Variants in KIF16B observed in about 807,000 individuals in gnomAD.
KIF16B encodes the protein kinesin-like protein KIF16B.
Under a neutral mutation model 156.3 loss-of-function variants are expected in KIF16B, and 98 were observed. The observed-to-expected ratio is 0.63, with a 90% CI of 0.53 to 0.74. The LOEUF (loss-of-function observed/expected upper bound fraction) is 0.74. KIF16B is among the 30% of genes least tolerant of loss of function. The pLI, the probability that KIF16B is intolerant of heterozygous loss-of-function variation, is 0.00. For synonymous variants in KIF16B, 564 were observed against 583.7 expected (o/e 0.97, Z 0.49); for missense variants, 1,421 against 1,606.5 (o/e 0.88, Z 1.97).
chr20:16,470,442 G>A (rs2067628682), intron 12 of KIF16B, among the ~76,000 whole-genome samples: 1 of 152,024 alleles, frequency 6.6e-6, no homozygotes, highest in Non-Finnish European at 1.5e-5. Context: ...GGGCCAGGAA[G>A]TATATGGGAA....
chr20:16,518,540 G>A (rs2069221988), intron 3 of KIF16B, among the ~76,000 whole-genome samples: 1 of 152,186 alleles, frequency 6.6e-6, no homozygotes, highest in Non-Finnish European at 1.5e-5. Flanking sequence ...ACTGGGAGAT[G>A]TTAGGTTTCA....
intron 1 of KIF16B, among the ~76,000 whole-genome samples, chr20:16,571,743 C>A (rs2071461864): frequency 6.6e-6 from 1 of 151,868 alleles, no homozygotes; most frequent in African/African-American, 2.4e-5. Flanking sequence ...CATTCTCCTG[C>A]CTCAACCTCA....
chr20:16,280,953 T>C (rs151039158), intron 25 of KIF16B, among the ~76,000 whole-genome samples: 2 of 152,286 alleles, frequency 1.3e-5, no homozygotes, highest in African/African-American at 4.8e-5. Flanking sequence ...CTCTGCCTTC[T>C]ATTTTAATTA....
intron 12 of KIF16B, among the ~76,000 whole-genome samples, chr20:16,474,184 C>T (rs980166588): frequency 6.6e-6 from 1 of 152,200 alleles, no homozygotes; most frequent in Non-Finnish European, 1.5e-5. Context: ...CTCCTGACAT[C>T]CTTGCTGTCA....
At chr20:16,296,362 G>A (rs1243637730) in intron 25 of KIF16B, among the ~76,000 whole-genome samples, 1 of 152,166 alleles carries the variant, frequency 6.6e-6, no homozygotes, top group East Asian at 1.9e-4. Context: ...GTGGAGAGGA[G>A]AAACAACCCT....
At chr20:16,359,105 G>A (rs928150023) in intron 22 of KIF16B, among the ~76,000 whole-genome samples, 48 of 152,298 alleles carry the variant, frequency 3.2e-4, no homozygotes, top group African/African-American at 1.2e-3. Context: ...TCATAAGTCA[G>A]TTTTTAAAAT....
intron 25 of KIF16B, among the ~76,000 whole-genome samples, chr20:16,280,879 G>T (rs2063137848): frequency 1.1e-5 from 1 of 90,868 alleles, no homozygotes; most frequent in African/African-American, 5.0e-5. Flanking sequence ...CGCAGAAAAT[G>T]CAAGCATGAG....
intron 1 of KIF16B, among the ~76,000 whole-genome samples, chr20:16,562,133 A>T (rs975553629): frequency 8.5e-5 from 13 of 152,336 alleles, no homozygotes; most frequent in African/African-American, 2.9e-4. Context: ...CTTTACTATA[A>T]ATCTACAATT....
At position 16,273,369 on chromosome 20, in the gene KIF16B, T is replaced by C. The variant is rs758996688; in HGVS notation, c.3838A>G (p.Thr1280Ala). Residue 1280 changes from threonine to alanine, a missense_variant, in exon 26 of 26, where the codon ACA becomes GCA. Transcript: ENST00000354981. Reference sequence around the variant, plus strand: ...ACTTTGTTGATGTGGAGGGGAGATGTTGCGGACTGGAGCATCACGCTGAAA... The same window carrying C: ...ACTTTGTTGATGTGGAGGGGAGATGCTGCGGACTGGAGCATCACGCTGAAA... ...DFFSVMLQSA[T>A]SPLHINKVGL... 1.9e-6 allele frequency: 3 copies of C among 1,614,068 alleles called. No homozygotes were observed. Among genetic ancestry groups the C allele is most frequent in the Non-Finnish European group, 1.7e-6 (2 of 1,179,934 alleles).
At chr20:16,540,981 C>A (rs2147230161) in intron 1 of KIF16B, among the ~76,000 whole-genome samples, 1 of 152,224 alleles carries the variant, frequency 6.6e-6, no homozygotes, top group East Asian at 1.9e-4. Flanking sequence ...AGAAAGCAAG[C>A]AACCCAAGTC....
intron 12 of KIF16B, among the ~76,000 whole-genome samples, chr20:16,443,263 T>C (rs2066850702): frequency 6.6e-6 from 1 of 152,188 alleles, no homozygotes; most frequent in Non-Finnish European, 1.5e-5. Context: ...TTCAAACTAC[T>C]GCTTATGCCA....
chr20:16,315,453 G>A (rs1408809479), intron 24 of KIF16B, among the ~76,000 whole-genome samples: 2 of 152,176 alleles, frequency 1.3e-5, no homozygotes, highest in Non-Finnish European at 2.9e-5. Context: ...GGATAAAGCT[G>A]TAAGGAGCGT....
intron 1 of KIF16B, among the ~76,000 whole-genome samples, chr20:16,531,026 G>A (rs1426548915): frequency 1.3e-5 from 2 of 152,058 alleles, no homozygotes; most frequent in Non-Finnish European, 2.9e-5. Flanking sequence ...AAGCCCCTAA[G>A]TTTTGGGGTA....
intron 3 of KIF16B, among the ~76,000 whole-genome samples, chr20:16,520,638 G>T (rs2069313177): frequency 6.6e-6 from 1 of 152,208 alleles, no homozygotes. Context: ...TCCCAGGTCT[G>T]AAGAGAGCAG....
chr20:16,425,568 T>C (rs1203764462), intron 15 of KIF16B, among the ~76,000 whole-genome samples: 1 of 152,108 alleles, frequency 6.6e-6, no homozygotes, highest in Non-Finnish European at 1.5e-5. Flanking sequence ...AAATTTACAA[T>C]ATCAAAGTAC....
Position 16,379,299 on chromosome 20 carries a change from C to T in KIF16B, c.2703G>A (p.Arg901=). The T allele has an allele frequency of 6.2e-7, 1 of 1,612,892 alleles. No individual in the cohort carries two copies. Among genetic ancestry groups the T allele is most frequent in the Non-Finnish European group, 8.5e-7 (1 of 1,179,738 alleles). ...DFEKIKPVEY[R]LQYKERQLQY... is the part of the protein sequence containing the mutation. The stretch of plus-strand genomic sequence containing the variant: ...GTAGCTGGCGTTCTTTATATTGCAG[C>T]CTGTACTCCACTGGCTTTATTTTCT... Residue 901 remains arginine (R), a synonymous_variant, in exon 19 of 26, where the codon AGG becomes AGA. Coordinates refer to ENST00000354981, the MANE Select transcript of KIF16B (RefSeq NM_024704.5).
At chr20:16,297,842 C>T (rs2122563172) in intron 25 of KIF16B, among the ~76,000 whole-genome samples, 1 of 152,214 alleles carries the variant, frequency 6.6e-6, no homozygotes, top group Non-Finnish European at 1.5e-5. Context: ...CAGTTTTTCT[C>T]ATCCCAGCTG....
chr20:16,507,665 T>G (rs1236539482), intron 7 of KIF16B, among the ~76,000 whole-genome samples: 1 of 152,172 alleles, frequency 6.6e-6, no homozygotes, highest in African/African-American at 2.4e-5. Flanking sequence ...TTTGCAACAA[T>G]GAAAACTTTT....
At chr20:16,558,206 G>C (rs1410858167) in intron 1 of KIF16B, among the ~76,000 whole-genome samples, 1 of 152,232 alleles carries the variant, frequency 6.6e-6, no homozygotes, top group South Asian at 2.1e-4. Context: ...TGGCATCACT[G>C]ATCAGAATGG....
Sources: gnomAD v4.1 joint callset for allele counts (sites outside exome capture counted in the v4.1 genomes callset) on GRCh38, gnomAD v4.1.1 for gene constraint, MANE v1.5 for transcripts, NCBI Gene and HGNC (gene_info 2026-07-23, HGNC 2026-07-21) for gene names.